Variants in FER1L6 observed in about 807,000 individuals in gnomAD.
FER1L6 encodes the protein fer-1 like family member 6.
In FER1L6, 177 loss-of-function variants were observed where a neutral mutation model predicts 219.2. That is an observed-to-expected ratio of 0.81 (90% CI 0.71 to 0.91). The LOEUF is 0.91. Among genes scored for constraint, FER1L6 ranks in the 40% least tolerant of loss-of-function variants. The pLI is 0.00. For synonymous variants in FER1L6, 768 were observed against 824.3 expected (o/e 0.93, Z 1.17); for missense variants, 2,153 against 2,259.9 (o/e 0.95, Z 0.96).
intron 34 of FER1L6, among the ~76,000 whole-genome samples, chr8:124,092,342 A>T (rs567510153): frequency 6.6e-6 from 1 of 152,282 alleles, no homozygotes; most frequent in Non-Finnish European, 1.5e-5. Context: ...ATATTTCTAT[A>T]GTACAGGTCA....
intron 39 of FER1L6, among the ~76,000 whole-genome samples, chr8:124,112,772 G>T (rs1823075292): frequency 6.6e-6 from 1 of 152,192 alleles, no homozygotes; most frequent in Non-Finnish European, 1.5e-5. Flanking sequence ...GCATCCTGAA[G>T]TTCACAACTT....
intron 18 of FER1L6, 143 bp from the exon 19 acceptor site, chr8:124,035,134 A>G (rs966500663): frequency 1.2e-6 from 1 of 828,762 alleles, no homozygotes; most frequent in Non-Finnish European, 1.8e-6. Context: ...CATTGTCTTT[A>G]TTTTGATTTA....
chr8:123,899,261 T>G (rs937612691), intron 1 of FER1L6, among the ~76,000 whole-genome samples: 1 of 152,120 alleles, frequency 6.6e-6, no homozygotes, highest in Non-Finnish European at 1.5e-5. Flanking sequence ...CATTAGTGAT[T>G]TCAGCATTTT....
intron 1 of FER1L6, among the ~76,000 whole-genome samples, chr8:123,874,027 C>T (rs1816964692): frequency 6.6e-6 from 1 of 152,222 alleles, no homozygotes; most frequent in Non-Finnish European, 1.5e-5. Context: ...CACCTTGCCT[C>T]TTTTGCTCTT....
rs189944354 is a variant in FER1L6, at chr8:123,969,310, G to A, written c.385-725G>A. On this transcript the variant is annotated intron_variant, in intron 5 of 40. Coordinates refer to ENST00000522917, the MANE Select transcript of FER1L6 (RefSeq NM_001039112.2). ...CCATAGATTTTTGTATTCTCTCCCT[G>A]GTAAATCCTGGTAATTTCACAGGGA... 5.7e-4 allele frequency among the ~76,000 whole-genome samples: 86 copies of A among 152,104 alleles called. 1 individual carries two copies. The highest frequency in any genetic ancestry group is 3.3e-4 in the Admixed American group (5 of 15,278).
chr8:124,110,197 G>A (rs1822961725), intron 39 of FER1L6, among the ~76,000 whole-genome samples: 1 of 152,008 alleles, frequency 6.6e-6, no homozygotes, highest in Non-Finnish European at 1.5e-5. Flanking sequence ...TCTTATCTTG[G>A]TGATCTTTGT....
At chr8:124,015,617 T>TA (rs1818168239) in intron 15 of FER1L6, among the ~76,000 whole-genome samples, 4 of 39,762 alleles carry the variant, frequency 1.0e-4, no homozygotes, top group Non-Finnish European at 2.2e-4. Flanking sequence ...ATATATATAT[T>TA]ACTCCTGCTG....
In FER1L6 at chr8:124,061,879, C is replaced by T; in HGVS notation, c.3175C>T (p.Pro1059Ser). The part of the protein sequence containing the change: ...VELPENELLH[P>S]PLSICVVDWR... The stretch of plus-strand genomic sequence containing the variant: ...ACTGCCTGAGAACGAGCTTCTGCAC[C>T]CGCCACTGAGCATCTGCGTGGTGGA... The change falls in exon 25 of 41, where the codon CCG (proline) becomes TCG (serine). Residue 1059 changes from proline (P) to serine (S), a missense_variant. Physicochemically the swap from Pro to Ser is moderately conservative, Grantham distance 74. Coordinates refer to ENST00000522917, the MANE Select transcript of FER1L6 (RefSeq NM_001039112.2). 6.2e-7 allele frequency: 1 copy of T among 1,613,964 alleles called. No homozygotes were observed. The highest frequency in any genetic ancestry group is 1.1e-5 in the South Asian group (1 of 91,058).
chr8:124,055,720 A>G (rs1052328628), intron 22 of FER1L6, among the ~76,000 whole-genome samples: 3 of 152,130 alleles, frequency 2.0e-5, no homozygotes, highest in Non-Finnish European at 4.4e-5. Flanking sequence ...TTGCTGCTCT[A>G]ACAAATGACC....
chr8:123,882,736 C>T lies in FER1L6; in HGVS notation c.-8+30551C>T, dbSNP rs144841294. ...GTGATCAAAGGCCTTTCTAAAAGAA[C>T]GTTATGAATAGAGTACGGAGGATTT... On this transcript the variant is annotated intron_variant, in intron 1 of 40. Coordinates refer to ENST00000522917, the MANE Select transcript of FER1L6 (RefSeq NM_001039112.2). Among the ~76,000 whole-genome samples the T allele has an allele frequency of 5.6e-4, 86 of 152,264 alleles. 1 individual carries two copies. The South Asian group carries it at 0.016, about 28-fold the overall frequency.
chr8:124,107,060 T>A (rs931054866), intron 39 of FER1L6, among the ~76,000 whole-genome samples: 1 of 151,440 alleles, frequency 6.6e-6, no homozygotes, highest in Non-Finnish European at 1.5e-5. Context: ...GCCATTCTCC[T>A]GTCTCAGCCT....
At chr8:123,913,347 T>C (rs1386710660) in intron 1 of FER1L6, among the ~76,000 whole-genome samples, 1 of 152,238 alleles carries the variant, frequency 6.6e-6, no homozygotes, top group East Asian at 1.9e-4. Context: ...CACACACATA[T>C]ATATTTGATA....
At chr8:123,946,084 C>G (rs1814473798) in intron 1 of FER1L6, among the ~76,000 whole-genome samples, 1 of 152,132 alleles carries the variant, frequency 6.6e-6, no homozygotes, top group Non-Finnish European at 1.5e-5. Flanking sequence ...TAGGGGTGTT[C>G]ATGCTTGCTA....
chr8:124,068,195 G>A (rs2130858104), intron 28 of FER1L6, among the ~76,000 whole-genome samples: 1 of 152,270 alleles, frequency 6.6e-6, no homozygotes, highest in Middle Eastern at 3.4e-3. Flanking sequence ...TTGGCAGAAA[G>A]TCAGATTTCA....
intron 14 of FER1L6, among the ~76,000 whole-genome samples, chr8:124,011,965 T>G (rs1173406317): frequency 6.6e-6 from 1 of 152,220 alleles, no homozygotes; most frequent in Non-Finnish European, 1.5e-5. Flanking sequence ...CTGTAAACAG[T>G]GCCAATCAAT....
At chr8:123,902,431 T>A (rs986452525) in intron 1 of FER1L6, among the ~76,000 whole-genome samples, 2 of 152,236 alleles carry the variant, frequency 1.3e-5, no homozygotes, top group African/African-American at 4.8e-5. Context: ...TATTATTGTG[T>A]TGCTGTCCAT....
intron 25 of FER1L6, 34 bp from the exon 26 acceptor site, chr8:124,064,313 C>T (rs769549274): frequency 1.3e-6 from 2 of 1,579,086 alleles, no homozygotes; most frequent in Non-Finnish European, 8.7e-7. Flanking sequence ...TGTGATGCAG[C>T]CCAGCTCCCT....
At chr8:123,990,898 G>A (rs532901175) in intron 12 of FER1L6, among the ~76,000 whole-genome samples, 2 of 152,166 alleles carry the variant, frequency 1.3e-5, no homozygotes, top group Admixed American at 6.5e-5. Flanking sequence ...TTTTGTATAC[G>A]ATACAGATCC....
intron 1 of FER1L6, among the ~76,000 whole-genome samples, chr8:123,907,645 A>G (rs781705819): frequency 1.3e-5 from 2 of 149,426 alleles, no homozygotes; most frequent in Non-Finnish European, 3.0e-5. Context: ...GTATGAGAAG[A>G]ATATGGTTAA....
Sources: gnomAD v4.1 joint callset for allele counts (sites outside exome capture counted in the v4.1 genomes callset) on GRCh38, gnomAD v4.1.1 for gene constraint, MANE v1.5 for transcripts, NCBI Gene and HGNC (gene_info 2026-07-23, HGNC 2026-07-21) for gene names.